AGL: variants seen among roughly 807,000 people sequenced by gnomAD.
AGL encodes the protein amylo-alpha-1,6-glucosidase and 4-alpha-glucanotransferase.
In AGL, 128 loss-of-function variants were observed where a neutral mutation model predicts 199.3. The observed-to-expected ratio is 0.64, with a 90% CI of 0.56 to 0.74. The LOEUF (loss-of-function observed/expected upper bound fraction) is 0.74. Among genes scored for constraint, AGL ranks in the 30% least tolerant of loss-of-function variants. The pLI is 0.00. For synonymous variants in AGL, 584 were observed against 594.7 expected (o/e 0.98, Z 0.26); for missense variants, 1,809 against 1,820.8 (o/e 0.99, Z 0.12).
chr1:99,877,432 C>T (rs1570437681), intron 11 of AGL, among the ~76,000 whole-genome samples: 2 of 152,050 alleles, frequency 1.3e-5, no homozygotes, highest in East Asian at 3.8e-4. Flanking sequence ...TTAGAAGAGA[C>T]TGTAAGCTAG....
intron 2 of AGL, among the ~76,000 whole-genome samples, chr1:99,854,329 A>T (rs1385445930): frequency 6.6e-6 from 1 of 152,250 alleles, no homozygotes; most frequent in Admixed American, 6.5e-5. Flanking sequence ...CTATTTGAAG[A>T]GGGAAATTGA....
chr1:99,866,317 A>T (rs1024416660), intron 5 of AGL, among the ~76,000 whole-genome samples: 2 of 152,236 alleles, frequency 1.3e-5, no homozygotes, highest in African/African-American at 2.4e-5. Context: ...AAAAGATTAG[A>T]TAGGCATTCC....
rs1236655933 is a variant in AGL at position 99,900,781 on chromosome 1, A to T, written c.3508A>T (p.Asn1170Tyr). ...CIQDYCKMVP[N>Y]GLDILKCPVS... Reference sequence around the variant, plus strand: ...CCAGGATTACTGTAAAATGGTTCCAAATGGTCTAGACATTCTCAAGTGCCC... The same window carrying T: ...CCAGGATTACTGTAAAATGGTTCCATATGGTCTAGACATTCTCAAGTGCCC... Residue 1170 changes from asparagine to tyrosine, a missense_variant, in exon 26 of 34, where the codon AAT becomes TAT. Transcript: ENST00000361915. The T allele has an allele frequency of 6.2e-7, 1 of 1,614,010 alleles. No individual in the cohort carries two copies. Among genetic ancestry groups the T allele is most frequent in the African/African-American group, 1.3e-5 (1 of 74,936 alleles).
intron 27 of AGL, among the ~76,000 whole-genome samples, chr1:99,903,403 G>A (rs1031547450): frequency 6.6e-6 from 1 of 151,802 alleles, no homozygotes; most frequent in Admixed American, 6.6e-5. Flanking sequence ...TTTTGTCCTT[G>A]CGATAGTTTG....
At chr1:99,861,426 T>C (rs778361553) in intron 2 of AGL, 77 bp from the exon 3 acceptor site, 11 of 1,597,324 alleles carry the variant, frequency 6.9e-6, no homozygotes, top group Admixed American at 1.7e-5. Context: ...TTTTTAATAC[T>C]TTAAATAAAA....
chr1:99,871,512 A>G (rs180754614), intron 7 of AGL, among the ~76,000 whole-genome samples: 43 of 151,446 alleles, frequency 2.8e-4, no homozygotes, highest in African/African-American at 1.0e-3. Flanking sequence ...GTCTATCTGC[A>G]TTTCATATAG....
At chr1:99,918,546 A>C (rs1423151403) in intron 33 of AGL, among the ~76,000 whole-genome samples, 1 of 151,856 alleles carries the variant, frequency 6.6e-6, no homozygotes, top group African/African-American at 2.4e-5. Context: ...CTGGTCTCGA[A>C]CTCCTAGGCT....
rs1295024559 is a variant in AGL, at chr1:99,861,768, A to G, written c.293+55A>G. 8 of 1,581,442 alleles carry G rather than the reference A, an allele frequency of 5.1e-6. No homozygotes were observed. The East Asian group carries it at 1.8e-4, about 35-fold the overall frequency. ...AAAGTTAATTTGTTCTGTAATTTGA[A>G]GTCACCTAACTTGTAAATGTTACTG... On this transcript the variant is annotated intron_variant, in intron 3 of 33. Transcript: ENST00000361915.
rs767617614 is a variant in AGL, at chr1:99,900,785, G to A, written c.3512G>A (p.Gly1171Asp). 2.5e-6 allele frequency: 4 copies of A among 1,613,954 alleles called. No homozygotes were observed. The South Asian group carries it at 4.4e-5, about 18-fold the overall frequency. Residue 1171 changes from glycine (G) to aspartate (D), a missense_variant, in exon 26 of 34, where the codon GGT (glycine) becomes GAT (aspartate). Gly to Asp is a moderately conservative substitution (Grantham distance 94). Transcript: ENST00000361915. ...IQDYCKMVPN[G>D]LDILKCPVSR... ...GATTACTGTAAAATGGTTCCAAATG[G>A]TCTAGACATTCTCAAGTGCCCAGTT... is the stretch of plus-strand genomic sequence containing the variant.
Position 99,892,427 on chromosome 1 carries a change from T to G in AGL, c.3084-5T>G, listed in dbSNP as rs886178367. 1.9e-6 allele frequency: 3 copies of G among 1,613,064 alleles called. No homozygotes were observed. The highest frequency in any genetic ancestry group is 1.7e-5 in the Admixed American group (1 of 59,962). On this transcript the variant is annotated splice_polypyrimidine_tract_variant and splice_region_variant and intron_variant, in intron 23 of 33. Coordinates refer to ENST00000361915, the MANE Select transcript of AGL (RefSeq NM_000642.3). ...AAGTAATAAATTCAATCACTTTTGT[T>G]ACAGCTTTGTTCAGAATGGTTCAAC...
At chr1:99,899,810 C>T (rs1272509509) in intron 25 of AGL, among the ~76,000 whole-genome samples, 3 of 151,648 alleles carry the variant, frequency 2.0e-5, no homozygotes, top group Admixed American at 6.6e-5. Context: ...TTAGTAGAGA[C>T]GGGGTTTCAC....
rs558363073 is a variant in AGL at position 99,885,090 on chromosome 1, C to A, written c.2681+387C>A. On this transcript the variant is annotated intron_variant, in intron 20 of 33. Transcript: ENST00000361915. Reference sequence around the variant, plus strand: ...ATGGCTTTACCATAATTTATTTAAACAATTTCCATTTTTGGACATCTAGAT... The same window carrying A: ...ATGGCTTTACCATAATTTATTTAAAAAATTTCCATTTTTGGACATCTAGAT... Among the ~76,000 whole-genome samples the A allele has an allele frequency of 4.2e-4, 64 of 152,290 alleles. No individual in the cohort carries two copies. The East Asian group carries it at 7.7e-3, about 18-fold the overall frequency.
Position 99,912,610 on chromosome 1 carries a change from C to T in AGL, c.3949+93C>T, listed in dbSNP as rs777213220. ...ATCATTTGATTCTATCAGCTAATAT[C>T]GGAAAACCCTTAAAATTAAGAAGAA... On this transcript the variant is annotated intron_variant, in intron 29 of 33. Transcript: ENST00000361915. 11 of 905,300 alleles carry T rather than the reference C, an allele frequency of 1.2e-5. No individual in the cohort carries two copies. In the Admixed American group the frequency reaches 1.4e-4, roughly 11 times the overall value. 56.1% of individuals were successfully genotyped at this position (905,300 alleles called of 1,614,324 possible). A position where few individuals can be genotyped will look rare whatever the true frequency, so the allele number is the denominator to read the frequency against.
chr1:99,908,774 A>G (rs1345894815), intron 27 of AGL, among the ~76,000 whole-genome samples: 1 of 152,104 alleles, frequency 6.6e-6, no homozygotes, highest in Non-Finnish European at 1.5e-5. Flanking sequence ...AGTAGCCGTT[A>G]TTTAAGTTTA....
At chr1:99,857,847 A>AGAGGGAGACCGTGGGGGGGGGGAGGGGGT (rs1557743553) in intron 2 of AGL, among the ~76,000 whole-genome samples, 3 of 8,218 alleles carry the variant, frequency 3.7e-4, no homozygotes, top group Admixed American at 1.1e-3. Context: ...GGGGAGGGGG[A>AGAGGGAGACCGTGGGGGGGGGGAGGGGGT]GGGGGGAAGA....
Position 99,881,405 on chromosome 1 carries a change from C to T in AGL, c.2115C>T (p.Ile705=). Residue 705 remains isoleucine, a synonymous_variant, in exon 16 of 34, where the codon ATC becomes ATT. Transcript: ENST00000361915. ...GCATTATTGCAGCCAGGTGTGCTATCAGTAAACTTCATCAGGAGCTTGGAG... is the reference window on the plus strand; with the variant it reads ...GCATTATTGCAGCCAGGTGTGCTATTAGTAAACTTCATCAGGAGCTTGGAG... ...QSGIIAARCA[I]SKLHQELGAK... is the part of the protein sequence containing the mutation. The T allele has an allele frequency of 6.2e-7, 1 of 1,614,126 alleles. No homozygotes were observed. The highest frequency in any genetic ancestry group is 1.1e-5 in the South Asian group (1 of 91,082).
At chr1:99,864,220 T>C (rs1158983000) in intron 4 of AGL, among the ~76,000 whole-genome samples, 166 bp from the exon 5 acceptor site, 1 of 152,258 alleles carries the variant, frequency 6.6e-6, no homozygotes, top group African/African-American at 2.4e-5. Flanking sequence ...TAAAGTCTCT[T>C]GTGGTACAGT....
At chr1:99,862,461 AT>A (rs1557747711) in intron 4 of AGL, 38 bp downstream of exon 4, 9 of 1,601,746 alleles carry the variant, frequency 5.6e-6, no homozygotes, top group South Asian at 3.3e-5. Flanking sequence ...ATTTAAAAAA[AT>A]AAATGTAATT....
intron 25 of AGL, among the ~76,000 whole-genome samples, chr1:99,899,768 C>T (rs1470550368): frequency 6.6e-6 from 1 of 151,744 alleles, no homozygotes; most frequent in Non-Finnish European, 1.5e-5. Context: ...TTACAGGTGC[C>T]TGCCACTACG....
Sources: allele counts gnomAD v4.1 joint callset (sites outside exome capture counted in the v4.1 genomes callset), GRCh38; gene constraint gnomAD v4.1.1; transcripts MANE v1.5; gene names NCBI Gene and HGNC (gene_info 2026-07-23, HGNC 2026-07-21).